ABLIM1: variants seen among roughly 807,000 people sequenced by gnomAD.
The protein encoded by ABLIM1 is actin-binding LIM protein 1.
In ABLIM1, 40 loss-of-function variants were observed where a neutral mutation model predicts 107.0. The ratio of observed to expected loss-of-function variants is 0.37; its 90% CI spans 0.29 to 0.49. The LOEUF (loss-of-function observed/expected upper bound fraction) is 0.49. Ranked by LOEUF, ABLIM1 falls within the 20% of genes least tolerant of loss-of-function variation. The pLI is 0.97. For missense variants in ABLIM1, 857 were observed against 1,008.5 expected (o/e 0.85, Z 2.04); for synonymous variants, 357 against 357.3 (o/e 1.00, Z 0.01).
At chr10:114,749,107 G>A (rs781207931) in intron 1 of ABLIM1, among the ~76,000 whole-genome samples, 9 of 152,096 alleles carry the variant, frequency 5.9e-5, no homozygotes, top group Non-Finnish European at 1.0e-4. Flanking sequence ...AAATTCATGC[G>A]TATACTGAAA....
At chr10:114,756,120 G>A (rs1291114399) in intron 1 of ABLIM1, among the ~76,000 whole-genome samples, 2 of 151,818 alleles carry the variant, frequency 1.3e-5, no homozygotes, top group East Asian at 3.9e-4. Context: ...AAAGAAGTAA[G>A]AAAAGGATGT....
intron 10 of ABLIM1, among the ~76,000 whole-genome samples, chr10:114,472,037 C>T (rs1050018354): frequency 6.6e-6 from 1 of 151,680 alleles, no homozygotes; most frequent in Non-Finnish European, 1.5e-5. Context: ...AGGCTCTGGT[C>T]CCGCAGCAGA....
intron 1 of ABLIM1, among the ~76,000 whole-genome samples, chr10:114,613,183 C>A (rs1236358876): frequency 6.6e-6 from 1 of 152,210 alleles, no homozygotes; most frequent in Non-Finnish European, 1.5e-5. Flanking sequence ...AAAAGGTATT[C>A]AAAGATAATA....
At chr10:114,744,484 A>C (rs965671119) in intron 1 of ABLIM1, among the ~76,000 whole-genome samples, 1 of 152,140 alleles carries the variant, frequency 6.6e-6, no homozygotes, top group Non-Finnish European at 1.5e-5. Context: ...ATTGCTATAA[A>C]AGTTTCTAAA....
chr10:114,549,407 T>C (rs1408838365), intron 4 of ABLIM1, among the ~76,000 whole-genome samples: 2 of 152,046 alleles, frequency 1.3e-5, no homozygotes, highest in Non-Finnish European at 2.9e-5. Flanking sequence ...ATTAAATAAA[T>C]AAATAAAATT....
At chr10:114,456,361 G>A (rs1273469370) in intron 12 of ABLIM1, among the ~76,000 whole-genome samples, 5 of 152,122 alleles carry the variant, frequency 3.3e-5, no homozygotes, top group Non-Finnish European at 5.9e-5. Flanking sequence ...ATGTTTCACT[G>A]AAGAAAAATG....
chr10:114,628,598 A>T (rs76869286), intron 1 of ABLIM1, among the ~76,000 whole-genome samples: 4,673 of 152,344 alleles, frequency 0.031, 251 homozygotes, highest in African/African-American at 0.1. Flanking sequence ...GCCATCCAAC[A>T]ATGTCAGAAA....
chr10:114,696,948 TTCAAC>T (rs1432264813), intron 1 of ABLIM1, among the ~76,000 whole-genome samples: 5 of 152,308 alleles, frequency 3.3e-5, no homozygotes, highest in African/African-American at 9.6e-5. Flanking sequence ...GGAGACATAA[TTCAAC>T]TCATAACAGA....
At chr10:114,617,441 T>A (rs891117974) in intron 1 of ABLIM1, among the ~76,000 whole-genome samples, 5 of 151,714 alleles carry the variant, frequency 3.3e-5, no homozygotes, top group African/African-American at 9.7e-5. Context: ...TTTTTTTTTG[T>A]ATTTTTAGTA....
intron 6 of ABLIM1, among the ~76,000 whole-genome samples, chr10:114,498,649 T>C (rs1314101567): frequency 6.6e-6 from 1 of 152,210 alleles, no homozygotes; most frequent in African/African-American, 2.4e-5. Flanking sequence ...ACTTATAACT[T>C]ATGTTCTGCC....
upstream of ABLIM1, among the ~76,000 whole-genome samples, chr10:114,658,992 T>G (rs1442843870): frequency 6.6e-6 from 1 of 152,156 alleles, no homozygotes; most frequent in Non-Finnish European, 1.5e-5. Context: ...GTAATTATCA[T>G]TTACTCTTTA....
chr10:114,761,852 C>T (rs1251995349), intron 1 of ABLIM1, among the ~76,000 whole-genome samples: 1 of 152,156 alleles, frequency 6.6e-6, no homozygotes. Flanking sequence ...TTTTACCTGG[C>T]TAAGTCCAAC....
chr10:114,575,287 A>G, intron 3 of ABLIM1, 129 bp downstream of exon 3: 1 of 1,052,228 alleles, frequency 9.5e-7, no homozygotes, highest in African/African-American at 1.6e-5. Flanking sequence ...TAGTACAGTA[A>G]GAAAGAAATC....
intron 1 of ABLIM1, among the ~76,000 whole-genome samples, chr10:114,631,601 G>C (rs897116018): frequency 6.6e-6 from 1 of 152,012 alleles, no homozygotes; most frequent in African/African-American, 2.4e-5. Context: ...GGGATGGGGG[G>C]CAAGACGGCG....
intron 1 of ABLIM1, among the ~76,000 whole-genome samples, chr10:114,726,059 G>A (rs1023362023): frequency 6.6e-6 from 1 of 152,012 alleles, no homozygotes; most frequent in Non-Finnish European, 1.5e-5. Flanking sequence ...TGTGTGACTT[G>A]AGTTCAAAAT....
chr10:114,684,614 C>A, exon 1 of ABLIM1: 1 of 1,246,262 alleles, frequency 8.0e-7, no homozygotes, highest in Non-Finnish European at 1.0e-6. Flanking sequence ...GCCCCTACCA[C>A]TTCTAAAGAG....
chr10:114,702,506 C>A (rs1029596949), intron 1 of ABLIM1, among the ~76,000 whole-genome samples: 2 of 147,416 alleles, frequency 1.4e-5, no homozygotes, highest in Admixed American at 6.8e-5. Flanking sequence ...ATACACTGAA[C>A]AATATATAAG....
At chr10:114,499,178 A>T (rs543956511) in intron 6 of ABLIM1, among the ~76,000 whole-genome samples, 1 of 152,346 alleles carries the variant, frequency 6.6e-6, no homozygotes, top group Admixed American at 6.5e-5. Context: ...ACCCTCAGTT[A>T]TGGGACAGAA....
At position 114,580,553 on chromosome 10, in the gene ABLIM1, T is replaced by G. The variant is rs1011048362; in HGVS notation, c.380-4954A>C. ...CTCCTTGGAACCAACTTTAACATCC[T>G]GCTGGTTCTGTCATTAATAAGTTGA... On this transcript the variant is annotated intron_variant, in intron 2 of 22. Transcript: ENST00000533213. 2.0e-5 allele frequency among the ~76,000 whole-genome samples: 3 copies of G among 152,206 alleles called. No individual in the cohort carries two copies. In the East Asian group the frequency reaches 5.8e-4, roughly 29 times the overall value.
Sources: allele counts gnomAD v4.1 joint callset (sites outside exome capture counted in the v4.1 genomes callset), GRCh38; gene constraint gnomAD v4.1.1; transcripts MANE v1.5; gene names NCBI Gene and HGNC (gene_info 2026-07-23, HGNC 2026-07-21).